The following ATIC variants were observed in gnomAD, a reference collection of about 807,000 sequenced individuals.
ATIC encodes the protein 5-aminoimidazole-4-carboxamide ribonucleotide formyltransferase/IMP cyclohydrolase.
A neutral mutation model predicts 72.5 loss-of-function variants in ATIC; 64 were observed. The observed-to-expected ratio is 0.88, with a 90% confidence interval of 0.72 to 1.09. The LOEUF is 1.09. Ranked by LOEUF, ATIC falls within the 50% of genes least tolerant of loss-of-function variation. The pLI is 0.00. For synonymous variants in ATIC, 281 were observed against 267.1 expected, an observed-to-expected ratio of 1.05 and a Z score of -0.51; for missense variants, 787 against 732.4, an observed-to-expected ratio of 1.07 and a Z score of -0.86.
intron 7 of ATIC, among the ~76,000 whole-genome samples, chr2:215,330,331 T>G (rs567886592): frequency 2.0e-5 from 3 of 152,352 alleles, no homozygotes; most frequent in African/African-American, 7.2e-5. Context: ...GGGAATTATT[T>G]TTTCAAGTTC....
chr2:215,320,736 C>T lies in ATIC; in HGVS notation c.290+1005C>T, dbSNP rs563158564. ...CTGAGATTACAGGCGTTTGTCACCA[C>T]GCCCAACTCATTTTTACTATTTTTA... On this transcript the variant is annotated intron_variant, in intron 4 of 15. Coordinates refer to ENST00000236959, the MANE Select transcript of ATIC (RefSeq NM_004044.7). Among the ~76,000 whole-genome samples the T allele has an allele frequency of 5.9e-5, 9 of 152,262 alleles. No individual in the cohort carries two copies. The East Asian group carries it at 1.5e-3, about 26-fold the overall frequency.
At chr2:215,343,429 C>T (rs950554996) in intron 12 of ATIC, among the ~76,000 whole-genome samples, 61 of 152,082 alleles carry the variant, frequency 4.0e-4, no homozygotes, top group African/African-American at 1.4e-3. Context: ...CTCCACCACC[C>T]GGGTTCAAGT....
intron 4 of ATIC, among the ~76,000 whole-genome samples, chr2:215,320,051 G>A (rs934070045): frequency 2.6e-5 from 4 of 152,104 alleles, no homozygotes; most frequent in African/African-American, 4.8e-5. Context: ...CCAGTTGAGC[G>A]TCCCTCAGAA....
At chr2:215,362,357 C>G in the ATIC span, 2 of 444,328 alleles carry the variant, frequency 4.5e-6, no homozygotes, top group Non-Finnish European at 8.3e-6. Context: ...TCTGCTGAGG[C>G]TCATTCCAAT....
the ATIC span, chr2:215,368,083 C>T: frequency 2.5e-6 from 4 of 1,572,738 alleles, no homozygotes; most frequent in Non-Finnish European, 3.5e-6. Flanking sequence ...CGATTTGGAC[C>T]ATAAGAAGAA....
chr2:215,312,118 C>A lies in ATIC; in HGVS notation c.-25C>A, dbSNP rs1229374770. The A allele has an allele frequency of 1.0e-5, 16 of 1,530,204 alleles. No individual in the cohort carries two copies. Among genetic ancestry groups the A allele is most frequent in the Non-Finnish European group, 1.4e-5 (16 of 1,144,918 alleles). 94.8% of individuals were successfully genotyped at this position (1,530,204 alleles called of 1,614,324 possible). A position where few individuals can be genotyped will look rare whatever the true frequency, so the allele number is the denominator to read the frequency against. ...GGTGCCGCCGCTGCTGCCTCCCGCT[C>A]GCCCTGAACCCAGTGCCTGCAGCCA... On this transcript the variant is annotated 5_prime_UTR_variant, in exon 1 of 16. Transcript: ENST00000236959.
At chr2:215,344,630 G>A (rs2053053264) in intron 12 of ATIC, 149 bp from the exon 13 acceptor site, 1 of 744,874 alleles carries the variant, frequency 1.3e-6, no homozygotes, top group African/African-American at 1.8e-5. Flanking sequence ...AGCCGAGATT[G>A]TGCCGTTGGA....
intron 5 of ATIC, among the ~76,000 whole-genome samples, 195 bp downstream of exon 5, chr2:215,325,524 A>T (rs545188933): frequency 6.6e-6 from 1 of 151,506 alleles, no homozygotes; most frequent in Non-Finnish European, 1.5e-5. Flanking sequence ...GTATGCAGAG[A>T]TGCATCTGGG....
At chr2:215,349,439 G>A (rs1482462570) in intron 15 of ATIC, 97 bp from the exon 16 acceptor site, 2 of 1,601,132 alleles carry the variant, frequency 1.2e-6, no homozygotes, top group African/African-American at 2.7e-5. Context: ...TTTTGACTGA[G>A]TGTATCTTTG....
rs375383410 is a variant in ATIC, at chr2:215,349,565, C to A, written c.1689C>A (p.Ser563=). 1 of 1,614,140 alleles carries A rather than the reference C, an allele frequency of 6.2e-7. No homozygotes were observed. The highest frequency in any genetic ancestry group is 1.1e-5 in the South Asian group (1 of 91,078). ...RSGVAYIAAP[S]GSAADKVVIE... is the part of the protein sequence containing the mutation. ...GTGTGGCGTACATTGCGGCTCCCTC[C>A]GGTTCTGCTGCTGACAAAGTTGTGA... Residue 563 remains serine (S), a synonymous_variant, in exon 16 of 16, where the codon TCC becomes TCA. Transcript: ENST00000236959.
chr2:215,319,257 T>C (rs2052742245), intron 3 of ATIC, among the ~76,000 whole-genome samples: 2 of 152,198 alleles, frequency 1.3e-5, no homozygotes, highest in Admixed American at 1.3e-4. Context: ...TTAAGAATAT[T>C]ATGCTGGGCA....
At chr2:215,343,565 A>C (rs755024251) in intron 12 of ATIC, among the ~76,000 whole-genome samples, 1 of 152,106 alleles carries the variant, frequency 6.6e-6, no homozygotes, top group African/African-American at 2.4e-5. Context: ...GGAACTTCTG[A>C]CCTCAGGTGG....
the ATIC span, among the ~76,000 whole-genome samples, chr2:215,357,515 T>C: frequency 2.0e-5 from 3 of 152,212 alleles, no homozygotes; most frequent in Non-Finnish European, 4.4e-5. Flanking sequence ...ATGTAAAACA[T>C]GCTTTAATAT....
rs746845244 is a variant in ATIC at position 215,332,420 on chromosome 2, G to A, written c.727G>A (p.Ala243Thr). 4.3e-6 allele frequency: 7 copies of A among 1,614,092 alleles called. No individual in the cohort carries two copies. Among genetic ancestry groups the A allele is most frequent in the Non-Finnish European group, 5.9e-6 (7 of 1,180,016 alleles). The part of the protein sequence containing the change: ...GAPGFINLCD[A>T]LNAWQLVKEL... ...CCCTGGATTTATAAACTTGTGCGAT[G>A]CTTTGAACGCCTGGCAGCTGGTGAA... is the stretch of plus-strand genomic sequence containing the variant. The change falls in exon 8 of 16, where the codon GCT becomes ACT. Residue 243 changes from alanine (A) to threonine (T), a missense_variant. Ala to Thr is a moderately conservative substitution (Grantham distance 58, BLOSUM62 0). Transcript: ENST00000236959.
At chr2:215,321,773 G>A (rs1239560290) in intron 4 of ATIC, among the ~76,000 whole-genome samples, 1 of 152,190 alleles carries the variant, frequency 6.6e-6, no homozygotes, top group Non-Finnish European at 1.5e-5. Context: ...ACCTCCTTTG[G>A]AGAAATGTCT....
At chr2:215,347,709 T>A in intron 14 of ATIC, 1 of 478,056 alleles carries the variant, frequency 2.1e-6, no homozygotes, top group South Asian at 1.6e-5. Context: ...TCAACTTTGA[T>A]ACTTGGATTT....
chr2:215,364,686 A>T, the ATIC span: 14 of 618,804 alleles, frequency 2.3e-5, no homozygotes, highest in Admixed American at 3.6e-4. Flanking sequence ...GAGTAATAGA[A>T]AGAATGAATG....
the ATIC span, among the ~76,000 whole-genome samples, chr2:215,355,315 T>C: frequency 6.6e-6 from 1 of 152,198 alleles, no homozygotes; most frequent in Admixed American, 6.5e-5. Context: ...GGAGTTTCAC[T>C]GGTGTTTAAG....
chr2:215,351,818 A>G (rs2053132871), downstream of ATIC, among the ~76,000 whole-genome samples: 1 of 152,230 alleles, frequency 6.6e-6, no homozygotes, highest in African/African-American at 2.4e-5. Flanking sequence ...TAGTAACTAC[A>G]GTGGAGAAAA....
Sources: gnomAD v4.1 joint callset for allele counts (sites outside exome capture counted in the v4.1 genomes callset) on GRCh38, gnomAD v4.1.1 for gene constraint, MANE v1.5 for transcripts, NCBI Gene and HGNC (gene_info 2026-07-23, HGNC 2026-07-21) for gene names.